The following PCDH15 variants were observed in gnomAD, a reference collection of about 807,000 sequenced individuals.
PCDH15 encodes the protein protocadherin-15.
Under a neutral mutation model 178.5 loss-of-function variants are expected in PCDH15, and 129 were observed. The ratio of observed to expected loss-of-function variants is 0.72; its 90% CI spans 0.63 to 0.84. PCDH15 has a LOEUF of 0.84. PCDH15 is among the 40% of genes least tolerant of loss of function. The pLI is 0.00. For synonymous variants in PCDH15, 800 were observed against 732.0 expected, an observed-to-expected ratio of 1.09 and a Z score of -1.50; for missense variants, 2,230 against 2,099.9, an observed-to-expected ratio of 1.06 and a Z score of -1.21.
At chr10:55,410,036 C>T (rs927271268) in intron 2 of PCDH15, among the ~76,000 whole-genome samples, 1 of 151,946 alleles carries the variant, frequency 6.6e-6, no homozygotes, top group Non-Finnish European at 1.5e-5. Flanking sequence ...GTTTAAAGGG[C>T]TTAGCACAGC....
chr10:54,210,161 T>C (rs545601393), intron 10 of PCDH15, among the ~76,000 whole-genome samples: 2 of 152,200 alleles, frequency 1.3e-5, no homozygotes, highest in East Asian at 1.9e-4. Context: ...TGTGACATTT[T>C]TTCTAGGCAT....
intron 3 of PCDH15, among the ~76,000 whole-genome samples, chr10:54,456,473 A>C (rs186388662): frequency 6.6e-6 from 1 of 152,306 alleles, no homozygotes; most frequent in Non-Finnish European, 1.5e-5. Context: ...TATTTAACCA[A>C]TGACTGTATC....
At chr10:54,032,000 T>C (rs1370136903) in intron 18 of PCDH15, among the ~76,000 whole-genome samples, 1 of 151,978 alleles carries the variant, frequency 6.6e-6, no homozygotes, top group Non-Finnish European at 1.5e-5. Context: ...ATAGGTTGAG[T>C]GTGTATATAC....
chr10:55,095,628 ATTAT>A (rs1269880282), intron 2 of PCDH15, among the ~76,000 whole-genome samples: 2 of 152,054 alleles, frequency 1.3e-5, no homozygotes, highest in African/African-American at 4.8e-5. Flanking sequence ...AGTTTTTAAG[ATTAT>A]TTAATTATTA....
At chr10:54,221,461 G>A (rs774007707) in intron 9 of PCDH15, among the ~76,000 whole-genome samples, 1 of 152,014 alleles carries the variant, frequency 6.6e-6, no homozygotes, top group Non-Finnish European at 1.5e-5. Flanking sequence ...AAGATAGTAA[G>A]CCTATCCATA....
chr10:53,929,301 C>T (rs2084837060), intron 25 of PCDH15, among the ~76,000 whole-genome samples: 1 of 152,042 alleles, frequency 6.6e-6, no homozygotes, highest in South Asian at 2.1e-4. Flanking sequence ...CACTGGAATA[C>T]ATTTTTGTTT....
At chr10:54,649,093 C>T (rs1390019733) in intron 2 of PCDH15, among the ~76,000 whole-genome samples, 3 of 152,172 alleles carry the variant, frequency 2.0e-5, no homozygotes, top group Admixed American at 1.3e-4. Flanking sequence ...GGAACATTAA[C>T]AGCATGAACT....
chr10:55,283,165 GT>G (rs921472277), intron 1 of PCDH15, among the ~76,000 whole-genome samples: 22 of 152,198 alleles, frequency 1.4e-4, no homozygotes, highest in African/African-American at 5.3e-4. Flanking sequence ...TAAGATCAGT[GT>G]TTGAGATATT....
chr10:54,042,963 G>A (rs2093580523), intron 18 of PCDH15, among the ~76,000 whole-genome samples: 1 of 151,174 alleles, frequency 6.6e-6, no homozygotes, highest in Admixed American at 6.6e-5. Context: ...AGAATCAGAA[G>A]TGGTCCTAGG....
At chr10:54,663,942 A>C (rs1429721705) in intron 2 of PCDH15, among the ~76,000 whole-genome samples, 2 of 151,970 alleles carry the variant, frequency 1.3e-5, no homozygotes, top group African/African-American at 2.4e-5. Flanking sequence ...CTTGCATTAA[A>C]TTTTGTACTA....
chr10:54,342,603 A>G (rs984964272), intron 6 of PCDH15, among the ~76,000 whole-genome samples: 1 of 139,004 alleles, frequency 7.2e-6, no homozygotes, highest in Non-Finnish European at 1.5e-5. Flanking sequence ...TGCCTAGTGG[A>G]GCTGTGAAAA....
intron 1 of PCDH15, among the ~76,000 whole-genome samples, chr10:54,771,157 G>A (rs1260450659): frequency 6.6e-6 from 1 of 151,850 alleles, no homozygotes; most frequent in Non-Finnish European, 1.5e-5. Flanking sequence ...TAACCTTCAT[G>A]GTCTATTTCT....
intron 3 of PCDH15, among the ~76,000 whole-genome samples, chr10:54,809,001 G>A (rs930513037): frequency 1.3e-5 from 2 of 151,356 alleles, no homozygotes; most frequent in Non-Finnish European, 2.9e-5. Flanking sequence ...CTGACAACCT[G>A]AGAAACAGTA....
At chr10:54,457,273 CA>C (rs1300743859) in intron 3 of PCDH15, among the ~76,000 whole-genome samples, 1 of 152,094 alleles carries the variant, frequency 6.6e-6, no homozygotes, top group African/African-American at 2.4e-5. Context: ...CAGCCCTCCT[CA>C]AAAATGTATG....
intron 1 of PCDH15, among the ~76,000 whole-genome samples, chr10:54,728,270 G>T (rs1278816947): frequency 6.6e-6 from 1 of 151,458 alleles, no homozygotes; most frequent in Non-Finnish European, 1.5e-5. Flanking sequence ...TGCAAGGTTA[G>T]TTCCACATTT....
At chr10:54,241,647 T>C (rs1230042333) in intron 8 of PCDH15, among the ~76,000 whole-genome samples, 2 of 152,152 alleles carry the variant, frequency 1.3e-5, no homozygotes, top group Admixed American at 1.3e-4. Flanking sequence ...TCCTGAATTC[T>C]GTTCCAGTTG....
chr10:55,052,638 C>G (rs563140530), intron 2 of PCDH15, among the ~76,000 whole-genome samples: 1 of 150,250 alleles, frequency 6.7e-6, no homozygotes, highest in Non-Finnish European at 1.5e-5. Context: ...ATCGCTGGAA[C>G]CCGGGAGGCG....
At chr10:54,307,108 A>G (rs1220453372) in intron 8 of PCDH15, among the ~76,000 whole-genome samples, 828 of 24,732 alleles carry the variant, frequency 0.033, 135 homozygotes, top group Admixed American at 0.051. Flanking sequence ...GTGTGTGTAT[A>G]TATATATATA....
intron 8 of PCDH15, among the ~76,000 whole-genome samples, chr10:54,311,621 G>A (rs2060915794): frequency 6.6e-6 from 1 of 151,904 alleles, no homozygotes; most frequent in African/African-American, 2.4e-5. Context: ...CATACATTAA[G>A]GTCCTATAGA....
Sources: gnomAD v4.1 joint callset for allele counts (sites outside exome capture counted in the v4.1 genomes callset) on GRCh38, gnomAD v4.1.1 for gene constraint, MANE v1.5 for transcripts, NCBI Gene and HGNC (gene_info 2026-07-23, HGNC 2026-07-21) for gene names.